LRP6: variants seen among roughly 807,000 people sequenced by gnomAD.
LRP6 encodes the protein LDL receptor related protein 6.
In LRP6, 43 loss-of-function variants were observed where a neutral mutation model predicts 184.1. The observed-to-expected ratio is 0.23, with a 90% confidence interval of 0.18 to 0.30. The LOEUF (loss-of-function observed/expected upper bound fraction) is 0.30. LRP6 is among the 10% of genes least tolerant of loss of function. LRP6 has a pLI of 1.00. For synonymous variants in LRP6, 719 were observed against 684.9 expected, an observed-to-expected ratio of 1.05 and a Z score of -0.78; for missense variants, 1,571 against 2,005.3, an observed-to-expected ratio of 0.78 and a Z score of 4.14.
chr12:12,181,204 A>G lies in LRP6; in HGVS notation c.1212T>C (p.His404=). 1 of 1,614,184 alleles carries G rather than the reference A, an allele frequency of 6.2e-7. No individual in the cohort carries two copies. Among genetic ancestry groups the G allele is most frequent in the South Asian group, 1.1e-5 (1 of 91,086 alleles). The stretch of plus-strand genomic sequence containing the variant: ...CCCAGTCCACAGCAATACCATCAGG[A>G]TGGGCAATTTGAGCAGTGACCACAA... ...SQFVVTAQIA[H]PDGIAVDWVA... The change falls in exon 6 of 23, where the codon CAT becomes CAC. Residue 404 remains histidine (H), a synonymous_variant. Coordinates refer to ENST00000261349, the MANE Select transcript of LRP6 (RefSeq NM_002336.3).
At chr12:12,244,794 T>A in intron 1 of LRP6, 139 bp from the exon 2 acceptor site, 1 of 745,828 alleles carries the variant, frequency 1.3e-6, no homozygotes, top group Non-Finnish European at 2.1e-6. Flanking sequence ...GGAGACCATC[T>A]AAACTTCACA....
intron 15 of LRP6, among the ~76,000 whole-genome samples, chr12:12,144,005 C>T (rs911697607): frequency 6.6e-6 from 1 of 152,098 alleles, no homozygotes; most frequent in Non-Finnish European, 1.5e-5. Flanking sequence ...TCTTAAACAA[C>T]ATAAAAGATG....
chr12:12,160,721 A>G (rs1591900041), intron 10 of LRP6, among the ~76,000 whole-genome samples: 1 of 152,244 alleles, frequency 6.6e-6, no homozygotes, highest in Non-Finnish European at 1.5e-5. Flanking sequence ...CCAAAACACT[A>G]CAAGAAATGT....
rs1163180718 is a variant in LRP6 at position 12,257,779 on chromosome 12, C to CAAAAAAAAAAAAAA, written c.55+8888_55+8901dup. On this transcript the variant is annotated intron_variant, in intron 1 of 22. Coordinates refer to ENST00000261349, the MANE Select transcript of LRP6 (RefSeq NM_002336.3). ...GCAACATAGTAAGACCCTGTCTCTA[C>CAAAAAAAAAAAAAA]AAAAAAAAAAAAAAAAAAAAAAAAA... Among the ~76,000 whole-genome samples the CAAAAAAAAAAAAAA allele has an allele frequency of 1.0e-3, 36 of 35,322 alleles. 1 individual carries two copies. The highest frequency in any genetic ancestry group is 3.7e-3 in the East Asian group (4 of 1,070). 23.2% of individuals were successfully genotyped at this position (35,322 alleles called of 152,430 possible). A position where few individuals can be genotyped will look rare whatever the true frequency, so the allele number is the denominator to read the frequency against.
intron 17 of LRP6, among the ~76,000 whole-genome samples, chr12:12,133,215 C>T (rs1949781653): frequency 6.6e-6 from 1 of 152,196 alleles, no homozygotes; most frequent in African/African-American, 2.4e-5. Context: ...CTACTTTGAA[C>T]TGCATGTCAT....
chr12:12,218,163 GC>G (rs1162586765), intron 2 of LRP6, among the ~76,000 whole-genome samples: 1 of 152,100 alleles, frequency 6.6e-6, no homozygotes, highest in African/African-American at 2.4e-5. Context: ...TATATAAAGA[GC>G]TCTTAGAACT....
At chr12:12,173,145 T>C (rs925966574) in intron 7 of LRP6, among the ~76,000 whole-genome samples, 1 of 152,114 alleles carries the variant, frequency 6.6e-6, no homozygotes, top group African/African-American at 2.4e-5. Flanking sequence ...AACGAAAAAA[T>C]TGAGAACAGA....
At position 12,159,763 on chromosome 12, in the gene LRP6, A is replaced by G. The variant is rs1267923740; in HGVS notation, c.2464+17T>C. The G allele has an allele frequency of 6.2e-7, 1 of 1,613,240 alleles. No homozygotes were observed. The highest frequency in any genetic ancestry group is 2.2e-5 in the East Asian group (1 of 44,868). On this transcript the variant is annotated intron_variant, in intron 11 of 22. Transcript: ENST00000261349. ...TGGAAAGAATATACTGTTTGAGTAA[A>G]AAGTAGTAAAGCTTACCAAGCATAT...
At chr12:12,244,142 A>G in intron 2 of LRP6, 120 bp downstream of exon 2, 1 of 987,956 alleles carries the variant, frequency 1.0e-6, no homozygotes, top group Non-Finnish European at 1.6e-6. Context: ...AAAGAAGCCC[A>G]AAGAATCTAA....
At chr12:12,232,144 G>A (rs898539983) in intron 2 of LRP6, among the ~76,000 whole-genome samples, 2 of 152,026 alleles carry the variant, frequency 1.3e-5, no homozygotes, top group Non-Finnish European at 2.9e-5. Context: ...AGCACTTTAG[G>A]AGACCAAGGT....
intron 2 of LRP6, among the ~76,000 whole-genome samples, chr12:12,226,074 A>C (rs1442464318): frequency 2.6e-5 from 4 of 152,162 alleles, no homozygotes; most frequent in Non-Finnish European, 5.9e-5. Context: ...ACTTAACTCC[A>C]GCCTCCTCTA....
chr12:12,249,557 T>C (rs1169539098), intron 1 of LRP6: 7 of 503,178 alleles, frequency 1.4e-5, no homozygotes, highest in Admixed American at 7.0e-5. Flanking sequence ...TTTCTAGATA[T>C]GTCTTGTAGA....
chr12:12,181,203 G>C lies in LRP6; in HGVS notation c.1213C>G (p.Pro405Ala). ...ACCCAGTCCACAGCAATACCATCAG[G>C]ATGGGCAATTTGAGCAGTGACCACA... ...QFVVTAQIAH[P>A]DGIAVDWVAR... The change falls in exon 6 of 23, where the codon CCT becomes GCT. Residue 405 changes from proline (P) to alanine (A), a missense_variant. Coordinates refer to ENST00000261349, the MANE Select transcript of LRP6 (RefSeq NM_002336.3). The C allele has an allele frequency of 6.2e-7, 1 of 1,614,108 alleles. No homozygotes were observed. Among genetic ancestry groups the C allele is most frequent in the South Asian group, 1.1e-5 (1 of 91,082 alleles).
chr12:12,165,193 A>T lies in LRP6; in HGVS notation c.1648T>A (p.Trp550Arg). 2 of 1,614,070 alleles carry T rather than the reference A, an allele frequency of 1.2e-6. No homozygotes were observed. The highest frequency in any genetic ancestry group is 1.7e-6 in the Non-Finnish European group (2 of 1,179,946). The change falls in exon 8 of 23, where the codon TGG becomes AGG. Residue 550 changes from tryptophan (W) to arginine (R), a missense_variant. Transcript: ENST00000261349. ...LLGDYVYWTDWQRRSIERVHK... is the reference protein window; with the variant it reads ...LLGDYVYWTDRQRRSIERVHK... ...ACTCTTTCAATGCTACGCCTCTGCC[A>T]GTCAGTCCAGTAAACATAGTCACCC...
At chr12:12,145,042 T>C (rs10400407) in intron 15 of LRP6, among the ~76,000 whole-genome samples, 31,002 of 151,820 alleles carry the variant, frequency 0.2, 3,704 homozygotes, top group African/African-American at 0.32. Flanking sequence ...TGCACATGTA[T>C]CCTAAAACTT....
chr12:12,209,396 T>C (rs1864147978), intron 2 of LRP6, among the ~76,000 whole-genome samples: 4 of 152,188 alleles, frequency 2.6e-5, no homozygotes, highest in African/African-American at 7.2e-5. Context: ...AATCCCTTCA[T>C]TATTCAACCC....
At chr12:12,204,302 G>GA (rs1167526492) in intron 2 of LRP6, among the ~76,000 whole-genome samples, 1 of 127,000 alleles carries the variant, frequency 7.9e-6, no homozygotes, top group Admixed American at 8.3e-5. Context: ...AAAAAAAGGA[G>GA]GGGGGGGTCA....
intron 3 of LRP6, among the ~76,000 whole-genome samples, chr12:12,201,686 A>T (rs980770060): frequency 4.6e-5 from 7 of 152,142 alleles, no homozygotes; most frequent in Admixed American, 2.0e-4. Context: ...TTTAGTTAAA[A>T]ACAAAAACAA....
intron 1 of LRP6, among the ~76,000 whole-genome samples, chr12:12,255,541 T>C (rs1446409730): frequency 1.3e-5 from 2 of 151,722 alleles, no homozygotes; most frequent in African/African-American, 2.4e-5. Context: ...AAGTCTAGCT[T>C]TGTTTTTGCT....
Sources: allele counts gnomAD v4.1 joint callset (sites outside exome capture counted in the v4.1 genomes callset), GRCh38; gene constraint gnomAD v4.1.1; transcripts MANE v1.5; gene names NCBI Gene and HGNC (gene_info 2026-07-23, HGNC 2026-07-21).